Variants in SLC16A4 observed in about 807,000 individuals in gnomAD.
The protein encoded by SLC16A4 is solute carrier family 16 member 4, also known as probable monocarboxylate transporter 5.
A neutral mutation model predicts 47.9 loss-of-function variants in SLC16A4; 39 were observed. That is an observed-to-expected ratio of 0.81 (90% CI 0.63 to 1.06). The LOEUF is 1.06. Among genes scored for constraint, SLC16A4 ranks in the 50% least tolerant of loss-of-function variants. The probability of loss-of-function intolerance (pLI) is 0.00; values close to 1 mark genes in which losing one functional copy is unlikely to be tolerated. For synonymous variants in SLC16A4, 189 were observed against 199.9 expected, an observed-to-expected ratio of 0.95 and a Z score of 0.46; for missense variants, 524 against 573.8, an observed-to-expected ratio of 0.91 and a Z score of 0.89.
chr1:110,381,838 C>G (rs1277421621), intron 3 of SLC16A4, 43 bp from the exon 4 acceptor site: 1 of 1,563,668 alleles, frequency 6.4e-7, no homozygotes, highest in East Asian at 2.3e-5. Flanking sequence ...AAATAATGAT[C>G]TGGCATCCCT....
At chr1:110,389,684 A>T (rs1432903164) in intron 1 of SLC16A4, among the ~76,000 whole-genome samples, 1 of 152,224 alleles carries the variant, frequency 6.6e-6, no homozygotes, top group Non-Finnish European at 1.5e-5. Flanking sequence ...GATAAAGAAA[A>T]TGTGATACAT....
chr1:110,385,988 G>T (rs1662713415), intron 2 of SLC16A4, among the ~76,000 whole-genome samples: 1 of 152,142 alleles, frequency 6.6e-6, no homozygotes, highest in Admixed American at 6.5e-5. Context: ...CATGAGCAAG[G>T]AATAATACAG....
chr1:110,383,827 T>G (rs909923941), intron 2 of SLC16A4, among the ~76,000 whole-genome samples: 52 of 137,294 alleles, frequency 3.8e-4, no homozygotes, highest in East Asian at 1.2e-3. Flanking sequence ...TTTTTTTTTT[T>G]TTTTTGGAAA....
At chr1:110,381,185 A>G (rs749382671) in intron 4 of SLC16A4, 42 bp from the exon 5 acceptor site, 1 of 1,577,452 alleles carries the variant, frequency 6.3e-7, no homozygotes, top group Admixed American at 1.7e-5. Context: ...TCTTACATTA[A>G]GTGGCTTGGT....
intron 8 of SLC16A4, chr1:110,370,410 C>T (rs1276622452): frequency 3.3e-5 from 5 of 152,012 alleles, no homozygotes; most frequent in Non-Finnish European, 7.4e-5. Flanking sequence ...CTCTAGAGGT[C>T]AGGATTGGTA....
intron 6 of SLC16A4, 66 bp downstream of exon 6, chr1:110,378,787 G>A: frequency 2.7e-6 from 4 of 1,504,666 alleles, no homozygotes; most frequent in Non-Finnish European, 3.6e-6. Flanking sequence ...TTATTAAAAT[G>A]TAATAAGCTT....
intron 3 of SLC16A4, among the ~76,000 whole-genome samples, 196 bp from the exon 4 acceptor site, chr1:110,381,991 G>T (rs1311282826): frequency 2.0e-5 from 3 of 152,178 alleles, no homozygotes; most frequent in East Asian, 3.8e-4. Flanking sequence ...TTTGGAAGGG[G>T]AGTTTAAAAG....
intron 8 of SLC16A4, among the ~76,000 whole-genome samples, chr1:110,365,769 A>T (rs1040541558): frequency 6.6e-6 from 1 of 152,180 alleles, no homozygotes; most frequent in Non-Finnish European, 1.5e-5. Context: ...CTGTGTATGT[A>T]TATGTGTATA....
intron 2 of SLC16A4, among the ~76,000 whole-genome samples, chr1:110,385,286 T>C (rs541636871): frequency 1.3e-5 from 2 of 152,344 alleles, no homozygotes; most frequent in South Asian, 4.1e-4. Flanking sequence ...GGGTTAAGCT[T>C]CCGCTTTTAT....
At chr1:110,383,883 C>T (rs1325615360) in intron 2 of SLC16A4, among the ~76,000 whole-genome samples, 1 of 133,890 alleles carries the variant, frequency 7.5e-6, no homozygotes, top group African/African-American at 3.0e-5. Flanking sequence ...ACTAAGTTTC[C>T]CCCAAAGTTA....
intron 8 of SLC16A4, among the ~76,000 whole-genome samples, chr1:110,365,912 T>C (rs963763240): frequency 1.3e-5 from 2 of 152,218 alleles, no homozygotes; most frequent in Non-Finnish European, 2.9e-5. Context: ...TAAAAATGGA[T>C]TGAAGAGAAA....
At chr1:110,387,159 T>C (rs1464600265) in intron 2 of SLC16A4, among the ~76,000 whole-genome samples, 1 of 152,164 alleles carries the variant, frequency 6.6e-6, no homozygotes, top group African/African-American at 2.4e-5. Flanking sequence ...CCAACAGTAT[T>C]TTACTGAGTG....
intron 1 of SLC16A4, 79 bp downstream of exon 1, chr1:110,390,786 T>C (rs1226858227): frequency 1.3e-5 from 2 of 152,216 alleles, no homozygotes; most frequent in Non-Finnish European, 2.9e-5. Context: ...AATGGCCATC[T>C]GGTGAGCAGG....
intron 8 of SLC16A4, chr1:110,375,241 G>A: frequency 2.1e-6 from 1 of 470,008 alleles, no homozygotes; most frequent in Non-Finnish European, 3.9e-6. Context: ...CAACTCCCAA[G>A]AATATAAGAA....
At chr1:110,374,709 G>A (rs1407337206) in intron 8 of SLC16A4, among the ~76,000 whole-genome samples, 1 of 152,202 alleles carries the variant, frequency 6.6e-6, no homozygotes, top group African/African-American at 2.4e-5. Flanking sequence ...TTACATATCA[G>A]AACTCCCCAA....
rs71096348 is a variant in SLC16A4, at chr1:110,383,805, G to GTT, written c.88-841_88-840dup. Among the ~76,000 whole-genome samples, 376 of 65,704 alleles carry GTT rather than the reference G, an allele frequency of 5.7e-3. 18 individuals carry two copies. Among genetic ancestry groups the GTT allele is most frequent in the African/African-American group, 0.02 (304 of 14,940 alleles). 43.1% of individuals were successfully genotyped at this position (65,704 alleles called of 152,430 possible). On this transcript the variant is annotated intron_variant, in intron 2 of 8. Coordinates refer to ENST00000369779, the MANE Select transcript of SLC16A4 (RefSeq NM_004696.3). The stretch of plus-strand genomic sequence containing the variant: ...TTTTGGAAAGGGCTGTTAAAAGGAG[G>GTT]TTTTTTTTTTTTTTTTTTTTTTTTT...
chr1:110,374,627 A>G (rs1038007170), intron 8 of SLC16A4, among the ~76,000 whole-genome samples: 4 of 152,254 alleles, frequency 2.6e-5, no homozygotes, highest in Non-Finnish European at 5.9e-5. Context: ...TAGATTAAAT[A>G]TTCAGCAAGT....
chr1:110,364,490 A>C (rs557261092), intron 8 of SLC16A4, among the ~76,000 whole-genome samples: 10 of 146,254 alleles, frequency 6.8e-5, no homozygotes, highest in African/African-American at 2.5e-4. Flanking sequence ...CCCCCCTGAA[A>C]TCTAAATGCT....
intron 2 of SLC16A4, among the ~76,000 whole-genome samples, chr1:110,385,043 T>C (rs1662661383): frequency 6.6e-6 from 1 of 152,070 alleles, no homozygotes; most frequent in Non-Finnish European, 1.5e-5. Context: ...CCACAAAGCC[T>C]TAGGTTCCCC....
Sources: gnomAD v4.1 joint callset for allele counts (sites outside exome capture counted in the v4.1 genomes callset) on GRCh38, gnomAD v4.1.1 for gene constraint, MANE v1.5 for transcripts, NCBI Gene and HGNC (gene_info 2026-07-23, HGNC 2026-07-21) for gene names.